SLC6A17: variants seen among roughly 807,000 people sequenced by gnomAD.
SLC6A17 encodes the protein solute carrier family 6 member 17.
A neutral mutation model predicts 64.5 loss-of-function variants in SLC6A17; 21 were observed. The observed-to-expected ratio is 0.33, with a 90% CI of 0.23 to 0.47. The LOEUF (loss-of-function observed/expected upper bound fraction) is 0.47, where lower values mean the gene tolerates loss of function less well. SLC6A17 is among the 20% of genes least tolerant of loss of function. The pLI is 1.00. For missense variants in SLC6A17, 682 were observed against 963.2 expected (o/e 0.71, Z 3.86); for synonymous variants, 372 against 399.5 (o/e 0.93, Z 0.82).
rs149121949 is a variant in SLC6A17 at position 110,158,336 on chromosome 1, G to A, written c.-88+7453G>A. The stretch of plus-strand genomic sequence containing the variant: ...TCTATTCTCCTTCCAGGCCAAAAGG[G>A]GAGTAGAAGTCGGAGAACTGAGCCC... On this transcript the variant is annotated intron_variant, in intron 1 of 11. Coordinates refer to ENST00000331565, the MANE Select transcript of SLC6A17 (RefSeq NM_001010898.4). 9.6e-3 allele frequency among the ~76,000 whole-genome samples: 1,467 copies of A among 152,330 alleles called. 16 individuals carry two copies. The highest frequency in any genetic ancestry group is 0.011 in the Non-Finnish European group (765 of 68,034).
intron 6 of SLC6A17, among the ~76,000 whole-genome samples, chr1:110,181,915 C>T (rs1252548183): frequency 6.6e-6 from 1 of 151,978 alleles, no homozygotes; most frequent in Non-Finnish European, 1.5e-5. Context: ...TCATGAGGGT[C>T]CTGTGGTTAA....
In SLC6A17 at chr1:110,166,869, C is replaced by A; in HGVS notation, c.-61C>A. On this transcript the variant is annotated 5_prime_UTR_variant, in exon 2 of 12. Transcript: ENST00000331565. ...TCCCTGAATGAGAAGGAGCTGACAG[C>A]AGCTGAATTCCATCTTCTCTGTGTG... 1 of 1,529,634 alleles carries A rather than the reference C, an allele frequency of 6.5e-7. No individual in the cohort carries two copies. Among genetic ancestry groups the A allele is most frequent in the Non-Finnish European group, 8.8e-7 (1 of 1,134,828 alleles). The allele number at this position is 1,529,634 out of a possible 1,614,324, so 94.8% of individuals were successfully genotyped here. A position where few individuals can be genotyped will look rare whatever the true frequency, so the allele number is the denominator to read the frequency against.
Position 110,152,281 on chromosome 1 carries a change from A to G in SLC6A17, c.-88+1398A>G, listed in dbSNP as rs77433177. Among the ~76,000 whole-genome samples the G allele has an allele frequency of 6.7e-3, 1,013 of 152,300 alleles. 16 individuals are homozygous for G. The highest frequency in any genetic ancestry group is 0.023 in the African/African-American group (956 of 41,570). ...CTGCCGGATTTTTCTCCAATGGAAC[A>G]TCTGTGGCTAAGTAGGTGGTTGAGT... On this transcript the variant is annotated intron_variant, in intron 1 of 11. Coordinates refer to ENST00000331565, the MANE Select transcript of SLC6A17 (RefSeq NM_001010898.4).
At chr1:110,152,787 T>G (rs1655644031) in intron 1 of SLC6A17, among the ~76,000 whole-genome samples, 3 of 152,210 alleles carry the variant, frequency 2.0e-5, no homozygotes, top group Admixed American at 2.0e-4. Flanking sequence ...TTCTGCAGGC[T>G]TATTTTGAGC....
chr1:110,181,768 C>T (rs1656530060), intron 6 of SLC6A17, among the ~76,000 whole-genome samples: 1 of 132,882 alleles, frequency 7.5e-6, no homozygotes, highest in Non-Finnish European at 1.6e-5. Context: ...GTAATGCATT[C>T]CATCCTGAAC....
chr1:110,197,669 G>C (rs2100953820), intron 11 of SLC6A17, 70 bp downstream of exon 11: 1 of 1,474,634 alleles, frequency 6.8e-7, no homozygotes, highest in East Asian at 2.3e-5. Flanking sequence ...CCACTGATAG[G>C]GATACACCTT....
rs62636567 is a variant in SLC6A17, at chr1:110,197,545, C to T, written c.1761C>T (p.Ser587=). Reference sequence around the variant, plus strand: ...GCATGGCTGTGCTCACCACAGCCAGCATCATCCAGCTGGGGGTCACGCCCC... The same window carrying T: ...GCATGGCTGTGCTCACCACAGCCAGTATCATCCAGCTGGGGGTCACGCCCC... The part of the protein sequence containing the change: ...PLCMAVLTTA[S]IIQLGVTPPG... Residue 587 remains serine, a synonymous_variant, in exon 11 of 12, where the codon AGC becomes AGT. Coordinates refer to ENST00000331565, the MANE Select transcript of SLC6A17 (RefSeq NM_001010898.4). The T allele has an allele frequency of 2.2e-3, 3,614 of 1,613,022 alleles. 69 individuals are homozygous for T. The African/African-American group carries it at 0.043, about 19-fold the overall frequency.
At chr1:110,151,542 G>A (rs621226) in intron 1 of SLC6A17, among the ~76,000 whole-genome samples, 67 of 152,308 alleles carry the variant, frequency 4.4e-4, no homozygotes, top group African/African-American at 1.4e-3. Context: ...CCGTCCTGGC[G>A]GGTCGAGAGG....
intron 6 of SLC6A17, chr1:110,178,784 CA>C (rs1447952141): frequency 6.6e-6 from 1 of 152,170 alleles, no homozygotes; most frequent in Non-Finnish European, 1.5e-5. Context: ...CTAATCCCGT[CA>C]GGGCTCCACC....
At chr1:110,156,385 A>G (rs1256799770) in intron 1 of SLC6A17, among the ~76,000 whole-genome samples, 1 of 152,138 alleles carries the variant, frequency 6.6e-6, no homozygotes, top group Non-Finnish European at 1.5e-5. Context: ...CCCAGAAATA[A>G]TGATGCCCTC....
intron 9 of SLC6A17, among the ~76,000 whole-genome samples, chr1:110,195,204 T>G (rs1444034330): frequency 6.6e-6 from 1 of 152,250 alleles, no homozygotes; most frequent in African/African-American, 2.4e-5. Flanking sequence ...ACCTCTCATC[T>G]GCATCCCTAA....
chr1:110,154,568 A>G (rs1482660148), intron 1 of SLC6A17, among the ~76,000 whole-genome samples: 1 of 152,202 alleles, frequency 6.6e-6, no homozygotes, highest in Non-Finnish European at 1.5e-5. Flanking sequence ...ATACAGAAAA[A>G]GATCCCAGGC....
rs1190686797 is a variant in SLC6A17, at chr1:110,194,689, C to G, written c.1410C>G (p.Gly470=). The G allele has an allele frequency of 6.2e-7, 1 of 1,614,208 alleles. No individual in the cohort carries two copies. The highest frequency in any genetic ancestry group is 1.7e-5 in the Admixed American group (1 of 60,032). ...TCTTCTTGATGCTTATCAACCTGGG[C>G]CTGGGCAGCATGATCGGGACCATGG... The part of the protein sequence containing the change: ...VMFFLMLINL[G]LGSMIGTMAG... Residue 470 remains glycine, a synonymous_variant, in exon 9 of 12, where the codon GGC becomes GGG. Transcript: ENST00000331565.
chr1:110,200,273 C>T lies in SLC6A17; in HGVS notation c.*1829C>T, dbSNP rs899250862. The T allele has an allele frequency of 1.3e-5, 5 of 394,678 alleles. No homozygotes were observed. The highest frequency in any genetic ancestry group is 8.3e-5 in the African/African-American group (4 of 48,376). The allele number at this position is 394,678 out of a possible 1,614,324, so 24.4% of individuals were successfully genotyped here. A position where few individuals can be genotyped will look rare whatever the true frequency, so the allele number is the denominator to read the frequency against. On this transcript the variant is annotated 3_prime_UTR_variant, in exon 12 of 12. Coordinates refer to ENST00000331565, the MANE Select transcript of SLC6A17 (RefSeq NM_001010898.4). The stretch of plus-strand genomic sequence containing the variant: ...TTCCACAGCTTCCCCTTTCTAGCCC[C>T]CTCTGCCCTACCTGTCTTTCCTGAG...
Position 110,192,273 on chromosome 1 carries a change from C to T in SLC6A17, c.1106+60C>T, listed in dbSNP as rs1656847021. On this transcript the variant is annotated intron_variant, in intron 7 of 11. Coordinates refer to ENST00000331565, the MANE Select transcript of SLC6A17 (RefSeq NM_001010898.4). This position sits in a 1 kb window ranked among gnomAD's most constrained non-coding sequence, Gnocchi z 4.3. ...CCTGTCTACCTTACCTGGGAGTGGG[C>T]AGGGGTGGGGGCGCAGGTGTGCATG... is the stretch of plus-strand genomic sequence containing the variant. 1 of 1,569,254 alleles carries T rather than the reference C, an allele frequency of 6.4e-7. No homozygotes were observed. The highest frequency in any genetic ancestry group is 1.7e-5 in the Admixed American group (1 of 58,102).
At chr1:110,163,491 C>T (rs1459684517) in intron 1 of SLC6A17, among the ~76,000 whole-genome samples, 1 of 152,222 alleles carries the variant, frequency 6.6e-6, no homozygotes, top group Non-Finnish European at 1.5e-5. Flanking sequence ...CTATGTCAGG[C>T]ACTCTGTGTG....
chr1:110,172,600 G>A (rs1455656311), intron 3 of SLC6A17: 1 of 164,538 alleles, frequency 6.1e-6, no homozygotes, highest in African/African-American at 2.4e-5. Flanking sequence ...CTCTTTCCTT[G>A]GTCAAAGAGT....
intron 6 of SLC6A17, among the ~76,000 whole-genome samples, chr1:110,191,517 C>A (rs866189975): frequency 6.6e-6 from 1 of 152,014 alleles, no homozygotes; most frequent in African/African-American, 2.4e-5. Context: ...GAGAAGGCGT[C>A]AGGGAGATTC....
At chr1:110,185,837 A>G (rs4839223) in intron 6 of SLC6A17, among the ~76,000 whole-genome samples, 41,052 of 152,070 alleles carry the variant, frequency 0.27, 6,768 homozygotes, top group Non-Finnish European at 0.35. Context: ...GCCAGGCTCA[A>G]TTTACCCCCA....
Sources: allele counts gnomAD v4.1 joint callset (sites outside exome capture counted in the v4.1 genomes callset), GRCh38; gene constraint gnomAD v4.1.1; non-coding constraint Gnocchi (gnomAD v3.1); transcripts MANE v1.5; gene names NCBI Gene and HGNC (gene_info 2026-07-23, HGNC 2026-07-21).